Variants in UBE3D observed in about 807,000 individuals in gnomAD.
UBE3D encodes the protein ubiquitin protein ligase E3D, also known as E3 ubiquitin-protein ligase E3D.
UBE3D carries 48 observed loss-of-function variants against 49.6 expected under a neutral mutation model. The ratio of observed to expected loss-of-function variants is 0.97; its 90% confidence interval spans 0.77 to 1.23. UBE3D has a LOEUF of 1.23. UBE3D is among the 50% of genes most tolerant of loss of function. UBE3D has a pLI of 0.00. For missense variants in UBE3D, 452 were observed against 468.4 expected, an observed-to-expected ratio of 0.96 and a Z score of 0.32; for synonymous variants, 189 against 174.2, an observed-to-expected ratio of 1.08 and a Z score of -0.67.
intron 9 of UBE3D, among the ~76,000 whole-genome samples, chr6:82,914,150 T>C (rs776120335): frequency 3.3e-5 from 5 of 152,210 alleles, no homozygotes; most frequent in African/African-American, 7.2e-5. Context: ...GATGAAGGTA[T>C]AGTGTGTTTA....
intron 8 of UBE3D, among the ~76,000 whole-genome samples, chr6:83,015,472 C>T (rs1181947776): frequency 6.6e-6 from 1 of 152,164 alleles, no homozygotes; most frequent in Non-Finnish European, 1.5e-5. Context: ...AAAGGAGAGT[C>T]CCTACTTAGT....
rs186495281 is a variant in UBE3D at position 83,026,363 on chromosome 6, A to C, written c.668-2325T>G. 6.8e-3 allele frequency among the ~76,000 whole-genome samples: 1,037 copies of C among 152,190 alleles called. 10 individuals carry two copies. The highest frequency in any genetic ancestry group is 0.015 in the South Asian group (74 of 4,814). ...CTACTCGGGAGGCTGAGGCAAGAGG[A>C]CTGTTTGAGCCCAGAAGTCTGAGGC... is the stretch of plus-strand genomic sequence containing the variant. On this transcript the variant is annotated intron_variant, in intron 5 of 9. Coordinates refer to ENST00000369747, the MANE Select transcript of UBE3D (RefSeq NM_198920.3).
chr6:82,936,277 G>A (rs1208543549), intron 9 of UBE3D, among the ~76,000 whole-genome samples: 1 of 152,058 alleles, frequency 6.6e-6, no homozygotes, highest in African/African-American at 2.4e-5. Context: ...AAAATACCAA[G>A]AACAAAGCCT....
At position 82,936,388 on chromosome 6, in the gene UBE3D, A is replaced by G. The variant is rs141455610; in HGVS notation, c.1149+20924T>C. ...CAAATGATCAATGTCTCAAATATTT[A>G]TTGCCTTTACAAATGATTTTCAAGC... On this transcript the variant is annotated intron_variant, in intron 9 of 9. Coordinates refer to ENST00000369747, the MANE Select transcript of UBE3D (RefSeq NM_198920.3). Among the ~76,000 whole-genome samples, 266 of 152,300 alleles carry G rather than the reference A, an allele frequency of 1.7e-3. 2 individuals carry two copies. Among genetic ancestry groups the G allele is most frequent in the African/African-American group, 5.4e-3 (223 of 41,570 alleles).
intron 9 of UBE3D, among the ~76,000 whole-genome samples, chr6:82,951,909 C>T (rs1372832009): frequency 6.6e-6 from 1 of 152,100 alleles, no homozygotes; most frequent in Non-Finnish European, 1.5e-5. Flanking sequence ...GGAAGGCTGC[C>T]ACTAAGAATG....
chr6:83,058,688 T>A (rs1279521663), intron 1 of UBE3D, among the ~76,000 whole-genome samples: 3 of 152,228 alleles, frequency 2.0e-5, no homozygotes, highest in Non-Finnish European at 4.4e-5. Flanking sequence ...TGGTGTCAAC[T>A]AAGTGCAGAC....
chr6:83,020,637 TA>T (rs1205557168), intron 7 of UBE3D, among the ~76,000 whole-genome samples: 1 of 152,144 alleles, frequency 6.6e-6, no homozygotes, highest in Non-Finnish European at 1.5e-5. Context: ...AAAGAAAAAG[TA>T]AAACTGATTT....
In UBE3D at chr6:82,979,085, T is replaced by C. The variant is rs891524495; in HGVS notation, c.1011-21635A>G. ...ACAGTATATTCAAAACGTTAGGCAA[T>C]GATTGCTAGCAGAACAGAATCTTAT... is the stretch of plus-strand genomic sequence containing the variant. On this transcript the variant is annotated intron_variant, in intron 8 of 9. Transcript: ENST00000369747. Among the ~76,000 whole-genome samples, 7 of 152,160 alleles carry C rather than the reference T, an allele frequency of 4.6e-5. No homozygotes were observed. The East Asian group carries it at 1.3e-3, about 29-fold the overall frequency.
chr6:82,955,653 A>T (rs1695889714), intron 9 of UBE3D, among the ~76,000 whole-genome samples: 1 of 152,206 alleles, frequency 6.6e-6, no homozygotes, highest in South Asian at 2.1e-4. Flanking sequence ...AAATAAATAC[A>T]AACTACTGCA....
chr6:82,946,279 A>G (rs1775393662), intron 9 of UBE3D, among the ~76,000 whole-genome samples: 1 of 152,168 alleles, frequency 6.6e-6, no homozygotes. Flanking sequence ...AACAAATAAC[A>G]TACAATGGAG....
intron 8 of UBE3D, chr6:83,017,465 A>G (rs1780774352): frequency 6.6e-6 from 1 of 152,156 alleles, no homozygotes; most frequent in South Asian, 2.1e-4. Flanking sequence ...AAGGGCACAC[A>G]CACAAAAAAA....
intron 9 of UBE3D, among the ~76,000 whole-genome samples, chr6:82,930,474 T>C (rs562095529): frequency 3.0e-4 from 45 of 152,240 alleles, no homozygotes; most frequent in Non-Finnish European, 3.8e-4. Context: ...TGTGGGAAGT[T>C]TGGAACTTCC....
chr6:82,928,054 A>G (rs1773888663), intron 9 of UBE3D, among the ~76,000 whole-genome samples: 1 of 152,090 alleles, frequency 6.6e-6, no homozygotes, highest in Non-Finnish European at 1.5e-5. Flanking sequence ...TTAGGTGGTA[A>G]GAATGTGTCA....
At chr6:83,048,079 C>CA (rs35344320) in intron 3 of UBE3D, among the ~76,000 whole-genome samples, 35,088 of 48,016 alleles carry the variant, frequency 0.73, 14,339 homozygotes, top group East Asian at 0.82. Context: ...GACTCCAGCT[C>CA]AAAAAAAAAA....
chr6:83,013,066 C>G (rs141899689), intron 8 of UBE3D, among the ~76,000 whole-genome samples: 1,575 of 152,268 alleles, frequency 0.01, 10 homozygotes, highest in South Asian at 0.031. Flanking sequence ...TGAGCCACTT[C>G]CTCATGTAAC....
intron 9 of UBE3D, among the ~76,000 whole-genome samples, chr6:82,909,835 G>T (rs926010842): frequency 1.1e-4 from 16 of 152,128 alleles, no homozygotes; most frequent in East Asian, 3.9e-4. Context: ...AGTTGTTCCT[G>T]TGGGCACATC....
intron 1 of UBE3D, among the ~76,000 whole-genome samples, chr6:83,060,480 G>A (rs1405796105): frequency 6.6e-6 from 1 of 152,196 alleles, no homozygotes; most frequent in Non-Finnish European, 1.5e-5. Flanking sequence ...ATGCATGTAT[G>A]TACATAGGTA....
At chr6:83,056,769 C>T (rs1193058817) in intron 2 of UBE3D, among the ~76,000 whole-genome samples, 12 of 152,070 alleles carry the variant, frequency 7.9e-5, no homozygotes, top group Admixed American at 7.9e-4. Flanking sequence ...AAACACTCCT[C>T]CTGACCCCAT....
intron 9 of UBE3D, among the ~76,000 whole-genome samples, chr6:82,952,591 T>G (rs564494912): frequency 2.6e-5 from 4 of 152,090 alleles, no homozygotes; most frequent in Non-Finnish European, 5.9e-5. Flanking sequence ...CATCTGCTAA[T>G]TTTTTAATTT....
Sources: allele counts gnomAD v4.1 joint callset (sites outside exome capture counted in the v4.1 genomes callset), GRCh38; gene constraint gnomAD v4.1.1; transcripts MANE v1.5; gene names NCBI Gene and HGNC (gene_info 2026-07-23, HGNC 2026-07-21).